The following HSPA13 variants were observed in gnomAD, a reference collection of about 807,000 sequenced individuals.
HSPA13 encodes the protein heat shock protein family A (Hsp70) member 13.
A neutral mutation model predicts 38.8 loss-of-function variants in HSPA13; 29 were observed. That is an observed-to-expected ratio of 0.75 (90% CI 0.56 to 1.02). The LOEUF (loss-of-function observed/expected upper bound fraction) is 1.02. HSPA13 is among the 50% of genes least tolerant of loss of function. The pLI, the probability that HSPA13 is intolerant of heterozygous loss-of-function variation, is 0.00. For synonymous variants in HSPA13, 192 were observed against 205.3 expected (o/e 0.94, Z 0.56); for missense variants, 451 against 560.9 (o/e 0.80, Z 1.98).
At position 14,381,560 on chromosome 21, in the gene HSPA13, T is replaced by A; in HGVS notation, c.26-17A>T. 1 of 1,566,112 alleles carries A rather than the reference T, an allele frequency of 6.4e-7. No homozygotes were observed. Among genetic ancestry groups the A allele is most frequent in the Non-Finnish European group, 8.7e-7 (1 of 1,149,392 alleles). On this transcript the variant is annotated splice_polypyrimidine_tract_variant and intron_variant, in intron 1 of 4. Transcript: ENST00000285667. ...CAGCCGATCCTGAAATAAAGGAAAA[T>A]TAAAAGATGTATTTTATCAAACTAG...
rs751119172 is a variant in HSPA13 at position 14,373,499 on chromosome 21, T to G, written c.*118A>C. 2 of 846,662 alleles carry G rather than the reference T, an allele frequency of 2.4e-6. No homozygotes were observed. Among genetic ancestry groups the G allele is most frequent in the Non-Finnish European group, 3.6e-6 (2 of 560,406 alleles). 52.4% of individuals were successfully genotyped at this position (846,662 alleles called of 1,614,324 possible). On this transcript the variant is annotated 3_prime_UTR_variant, in exon 5 of 5. Coordinates refer to ENST00000285667, the MANE Select transcript of HSPA13 (RefSeq NM_006948.5). The stretch of plus-strand genomic sequence containing the variant: ...TATGTAAAATTTTCCTGTATCTAAA[T>G]GTTGCCCTCTAGGTAAATCTGTGAT...
rs778448061 is a variant in HSPA13 at position 14,381,540 on chromosome 21, G to A, written c.29C>T (p.Ser10Leu). The change falls in exon 2 of 5, where the codon TCG (serine) becomes TTG (leucine). Residue 10 changes from serine (S) to leucine (L), a missense_variant. Coordinates refer to ENST00000285667, the MANE Select transcript of HSPA13 (RefSeq NM_006948.5). ...GGCCAACAGGAGAGTCAAAACAGCC[G>A]ATCCTGAAATAAAGGAAAATTAAAA... is the stretch of plus-strand genomic sequence containing the variant. MAREMTILG[S>L]AVLTLLLAGY... The A allele has an allele frequency of 2.5e-6, 4 of 1,583,894 alleles. No individual in the cohort carries two copies. The highest frequency in any genetic ancestry group is 3.4e-6 in the Non-Finnish European group (4 of 1,160,254).
chr21:14,372,939 G>A lies in HSPA13; in HGVS notation c.*678C>T, dbSNP rs1226472911. On this transcript the variant is annotated 3_prime_UTR_variant, in exon 5 of 5. Transcript: ENST00000285667. ...CATAAAGGAACTAGAATATAATTGG[G>A]TATTTCTATTATATGGTGCTGAAAC... The A allele has an allele frequency of 6.6e-6, 1 of 152,100 alleles. No homozygotes were observed. Among genetic ancestry groups the A allele is most frequent in the African/African-American group, 2.4e-5 (1 of 41,418 alleles). The allele number at this position is 152,100 out of a possible 1,614,324, so 9.4% of individuals were successfully genotyped here.
rs561083596 is a variant in HSPA13 at position 14,372,854 on chromosome 21, C to T, written c.*763G>A. 3 of 152,140 alleles carry T rather than the reference C, an allele frequency of 2.0e-5. No homozygotes were observed. In the East Asian group the frequency reaches 5.8e-4, roughly 29 times the overall value. 9.4% of individuals were successfully genotyped at this position (152,140 alleles called of 1,614,324 possible). A position where few individuals can be genotyped will look rare whatever the true frequency, so the allele number is the denominator to read the frequency against. On this transcript the variant is annotated 3_prime_UTR_variant, in exon 5 of 5. Coordinates refer to ENST00000285667, the MANE Select transcript of HSPA13 (RefSeq NM_006948.5). The stretch of plus-strand genomic sequence containing the variant: ...TAACACATTCTTCAAATGCAATTAC[C>T]AATTTTATTCTCTAACCAAACAGAA...
chr21:14,381,843 C>CAGATG (rs1197608212), intron 1 of HSPA13, among the ~76,000 whole-genome samples: 5 of 152,084 alleles, frequency 3.3e-5, no homozygotes, highest in African/African-American at 1.2e-4. Context: ...AATATTTGTG[C>CAGATG]AGATGCTGAC....
At position 14,372,385 on chromosome 21, in the gene HSPA13, T is replaced by C. The variant is rs1239079161; in HGVS notation, c.*1232A>G. The C allele has an allele frequency of 6.6e-6, 1 of 152,080 alleles. No individual in the cohort carries two copies. The highest frequency in any genetic ancestry group is 2.4e-5 in the African/African-American group (1 of 41,442). The allele number at this position is 152,080 out of a possible 1,614,324, so 9.4% of individuals were successfully genotyped here. The stretch of plus-strand genomic sequence containing the variant: ...CAAACTGTTATATTTTCTTTCTTGG[T>C]CCCTGTGGTTTTTCTTAAAGGAAAC... On this transcript the variant is annotated 3_prime_UTR_variant, in exon 5 of 5. Transcript: ENST00000285667.
rs1260078777 is a variant in HSPA13, at chr21:14,381,462, A to G, written c.107T>C (p.Ile36Thr). The G allele has an allele frequency of 6.2e-7, 1 of 1,614,068 alleles. No individual in the cohort carries two copies. The highest frequency in any genetic ancestry group is 8.5e-7 in the Non-Finnish European group (1 of 1,180,026). The change falls in exon 2 of 5, where the codon ATT becomes ACT. Residue 36 changes from isoleucine to threonine, a missense_variant. Physicochemically the swap from Ile to Thr is moderately conservative, Grantham distance 89 (BLOSUM62 -1). Transcript: ENST00000285667. ...LPLPTPKVIG[I>T]DLGTTYCSVG... ...AGAACAATAGGTGGTGCCAAGATCAATACCAATCACTTTAGGAGTAGGCAA... is the reference window on the plus strand; with the variant it reads ...AGAACAATAGGTGGTGCCAAGATCAGTACCAATCACTTTAGGAGTAGGCAA...
In HSPA13 at chr21:14,375,915, C is replaced by A. The variant is rs1033801519; in HGVS notation, c.581-96G>T. 3 of 917,444 alleles carry A rather than the reference C, an allele frequency of 3.3e-6. No homozygotes were observed. In the African/African-American group the frequency reaches 4.9e-5, roughly 15 times the overall value. The allele number at this position is 917,444 out of a possible 1,614,324, so 56.8% of individuals were successfully genotyped here. ...ATGTTTGTGTCTTCTGTGACATGAA[C>A]TCCACCACTGAGTAATAATGAGAGC... On this transcript the variant is annotated intron_variant, in intron 3 of 4. Transcript: ENST00000285667.
intron 2 of HSPA13, among the ~76,000 whole-genome samples, chr21:14,378,911 C>G (rs752753947): frequency 1.5e-4 from 23 of 152,042 alleles, no homozygotes; most frequent in Non-Finnish European, 2.9e-4. Flanking sequence ...AGCCACCGTG[C>G]TTGGCCCACA....
chr21:14,372,101 A>C lies in HSPA13; in HGVS notation c.*1516T>G, dbSNP rs768957000. 8 of 152,078 alleles carry C rather than the reference A, an allele frequency of 5.3e-5. No homozygotes were observed. The highest frequency in any genetic ancestry group is 7.4e-5 in the Non-Finnish European group (5 of 67,946). 9.4% of individuals were successfully genotyped at this position (152,078 alleles called of 1,614,324 possible). A position where few individuals can be genotyped will look rare whatever the true frequency, so the allele number is the denominator to read the frequency against. On this transcript the variant is annotated 3_prime_UTR_variant, in exon 5 of 5. Coordinates refer to ENST00000285667, the MANE Select transcript of HSPA13 (RefSeq NM_006948.5). ...GATATGAAAAATATTAGTAACATTC[A>C]GCTTTTTACTATGAGAAGCTGAAGT...
At chr21:14,382,645 T>G (rs2123530978) in intron 1 of HSPA13, among the ~76,000 whole-genome samples, 1 of 152,198 alleles carries the variant, frequency 6.6e-6, no homozygotes, top group Middle Eastern at 3.4e-3. Flanking sequence ...GGGTGGGGGA[T>G]AGGTAATTCC....
At chr21:14,377,365 C>T (rs750791871) in intron 3 of HSPA13, among the ~76,000 whole-genome samples, 5 of 152,156 alleles carry the variant, frequency 3.3e-5, no homozygotes, top group Non-Finnish European at 7.3e-5. Context: ...TTAACATTAA[C>T]GGAATTTAGA....
chr21:14,381,665 T>A, intron 1 of HSPA13, 122 bp from the exon 2 acceptor site: 2 of 801,750 alleles, frequency 2.5e-6, no homozygotes, highest in East Asian at 5.5e-5. Context: ...AATTTCAAAA[T>A]TTTTTATAGG....
In HSPA13 at chr21:14,374,064, A is replaced by G. The variant is rs138306035; in HGVS notation, c.969T>C (p.Ser323=). ...TGTCTTTTGGCAGTTCAGTGTCACT[A>G]CTGTGAGGTTCCTTCCTGTCCTGCT... ...VEEQDRKEPH[S]SDTELPKDKL... Residue 323 remains serine, a synonymous_variant, in exon 5 of 5, where the codon AGT becomes AGC. Coordinates refer to ENST00000285667, the MANE Select transcript of HSPA13 (RefSeq NM_006948.5). The G allele has an allele frequency of 1.2e-6, 2 of 1,614,196 alleles. No homozygotes were observed. The highest frequency in any genetic ancestry group is 4.5e-5 in the East Asian group (2 of 44,882).
At chr21:14,381,652 A>G in intron 1 of HSPA13, 109 bp from the exon 2 acceptor site, 1 of 1,010,806 alleles carries the variant, frequency 9.9e-7, no homozygotes, top group Non-Finnish European at 1.4e-6. Context: ...GCTAAAAAAG[A>G]CAAATTTCAA....
rs2077982371 is a variant in HSPA13, at chr21:14,372,252, G to A, written c.*1365C>T. ...AATAAAAAACAAAAAAAGGTGATCA[G>A]GATATAATTTTTGAATAATATGAAG... On this transcript the variant is annotated 3_prime_UTR_variant, in exon 5 of 5. Transcript: ENST00000285667. 1 of 151,684 alleles carries A rather than the reference G, an allele frequency of 6.6e-6. No homozygotes were observed. Among genetic ancestry groups the A allele is most frequent in the African/African-American group, 2.4e-5 (1 of 41,322 alleles). The allele number at this position is 151,684 out of a possible 1,614,324, so 9.4% of individuals were successfully genotyped here. A position where few individuals can be genotyped will look rare whatever the true frequency, so the allele number is the denominator to read the frequency against.
rs1303953276 is a variant in HSPA13, at chr21:14,372,478, C to T, written c.*1139G>A. 1 of 152,126 alleles carries T rather than the reference C, an allele frequency of 6.6e-6. No homozygotes were observed. The highest frequency in any genetic ancestry group is 1.5e-5 in the Non-Finnish European group (1 of 67,974). The allele number at this position is 152,126 out of a possible 1,614,324, so 9.4% of individuals were successfully genotyped here. A position where few individuals can be genotyped will look rare whatever the true frequency, so the allele number is the denominator to read the frequency against. On this transcript the variant is annotated 3_prime_UTR_variant, in exon 5 of 5. Transcript: ENST00000285667. ...AGAAACCTTGCCACAATGGCTTCCACATTAGATTTCCACGTTACTTCCAGT... is the reference window on the plus strand; with the variant it reads ...AGAAACCTTGCCACAATGGCTTCCATATTAGATTTCCACGTTACTTCCAGT...
chr21:14,373,899 AAAGAGGTCTTCATT>A lies in HSPA13; in HGVS notation c.1120_1133del (p.Asn374SerfsTer20), dbSNP rs748611174. ...GCTGAATGGGTACCAGTATTTTCTG[AAAGAGGTCTTCATT>A]AAGGGTATCAAAGAGTTTCCGTGAT... On this transcript the variant is annotated frameshift_variant, in exon 5 of 5. Coordinates refer to ENST00000285667, the MANE Select transcript of HSPA13 (RefSeq NM_006948.5). LOFTEE classifies it high-confidence loss of function. 1 of 1,614,162 alleles carries A rather than the reference AAAGAGGTCTTCATT, an allele frequency of 6.2e-7. No individual in the cohort carries two copies. The highest frequency in any genetic ancestry group is 8.5e-7 in the Non-Finnish European group (1 of 1,180,026).
In HSPA13 at chr21:14,381,056, T is replaced by C. The variant is rs1175479904; in HGVS notation, c.366+147A>G. 9.4e-6 allele frequency: 6 copies of C among 635,914 alleles called. No homozygotes were observed. The East Asian group carries it at 1.4e-4, about 15-fold the overall frequency. The allele number at this position is 635,914 out of a possible 1,614,324, so 39.4% of individuals were successfully genotyped here. ...AGTGATTAACTGATCCTATAGCTGC[T>C]GTGGAATTTCTGGTTATGTGAGATA... is the stretch of plus-strand genomic sequence containing the variant. On this transcript the variant is annotated intron_variant, in intron 2 of 4. Transcript: ENST00000285667.
Sources: allele counts gnomAD v4.1 joint callset (sites outside exome capture counted in the v4.1 genomes callset), GRCh38; gene constraint gnomAD v4.1.1; transcripts MANE v1.5; gene names NCBI Gene and HGNC (gene_info 2026-07-23, HGNC 2026-07-21).